Variants in TASP1 observed in about 807,000 individuals in gnomAD.
The protein encoded by TASP1 is threonine aspartase 1.
Under a neutral mutation model 56.6 loss-of-function variants are expected in TASP1, and 16 were observed. The observed-to-expected ratio is 0.28, with a 90% CI of 0.19 to 0.43. The LOEUF is 0.43. Among genes scored for constraint, TASP1 ranks in the 20% least tolerant of loss-of-function variants. The pLI is 1.00. For missense variants in TASP1, 393 were observed against 511.6 expected (o/e 0.77, Z 2.24); for synonymous variants, 179 against 184.2 (o/e 0.97, Z 0.23).
At chr20:13,286,584 C>T in the TASP1 span, among the ~76,000 whole-genome samples, 5 of 151,998 alleles carry the variant, frequency 3.3e-5, no homozygotes, top group African/African-American at 7.3e-5. Context: ...GATGGGGCCT[C>T]GGGGGGCAGA....
At chr20:13,372,780 A>G in the TASP1 span, among the ~76,000 whole-genome samples, 2 of 151,440 alleles carry the variant, frequency 1.3e-5, no homozygotes, top group Non-Finnish European at 3.0e-5. Context: ...ATGGTTTTTT[A>G]TAACTTATTT....
chr20:13,298,779 G>A, the TASP1 span, among the ~76,000 whole-genome samples: 5 of 152,136 alleles, frequency 3.3e-5, no homozygotes, highest in East Asian at 5.8e-4. Flanking sequence ...GGGGCTGCAG[G>A]GGTGTCTGGC....
the TASP1 span, among the ~76,000 whole-genome samples, chr20:13,339,045 T>C: frequency 2.0e-5 from 3 of 152,126 alleles, no homozygotes; most frequent in Admixed American, 2.0e-4. Context: ...AAAAGAGCGA[T>C]TTGCCCACCA....
intron 13 of TASP1, among the ~76,000 whole-genome samples, chr20:13,416,542 GTTCT>G (rs1255260423): frequency 6.6e-6 from 1 of 152,076 alleles, no homozygotes; most frequent in Non-Finnish European, 1.5e-5. Context: ...GCAATAAAGT[GTTCT>G]TTATTATATT....
At chr20:13,291,987 G>T in the TASP1 span, among the ~76,000 whole-genome samples, 2 of 152,302 alleles carry the variant, frequency 1.3e-5, no homozygotes, top group Admixed American at 1.3e-4. Context: ...GGCTAGTAAT[G>T]ATTTCAACGC....
the TASP1 span, among the ~76,000 whole-genome samples, chr20:13,213,719 G>T: frequency 6.6e-6 from 1 of 152,132 alleles, no homozygotes; most frequent in African/African-American, 2.4e-5. Context: ...AAATGACTTA[G>T]CATCTCCGTA....
intron 4 of TASP1, among the ~76,000 whole-genome samples, chr20:13,621,981 G>T (rs1175207921): frequency 6.6e-6 from 1 of 152,030 alleles, no homozygotes; most frequent in Non-Finnish European, 1.5e-5. Flanking sequence ...AACATTTGGT[G>T]GTAAATACAT....
intron 2 of TASP1, among the ~76,000 whole-genome samples, chr20:13,629,512 C>T (rs2049013111): frequency 6.6e-6 from 1 of 151,744 alleles, no homozygotes; most frequent in Admixed American, 6.6e-5. Context: ...CGGTTTGTTG[C>T]CCAGGCTGGA....
At chr20:13,106,091 ATATC>A in the TASP1 span, among the ~76,000 whole-genome samples, 1 of 152,234 alleles carries the variant, frequency 6.6e-6, no homozygotes, top group East Asian at 1.9e-4. Flanking sequence ...CGTTCAAAAA[ATATC>A]TATCTGCTCG....
chr20:13,432,286 G>A (rs990370159), intron 12 of TASP1, among the ~76,000 whole-genome samples: 5 of 152,254 alleles, frequency 3.3e-5, no homozygotes, highest in Non-Finnish European at 7.4e-5. Context: ...CACAGCAAGG[G>A]GTCACAAGTT....
the TASP1 span, among the ~76,000 whole-genome samples, chr20:13,289,483 A>C: frequency 1.3e-5 from 2 of 152,216 alleles, no homozygotes; most frequent in African/African-American, 4.8e-5. Context: ...ACTTGGTGAG[A>C]GGTCATGTTG....
chr20:13,193,975 T>G, the TASP1 span, among the ~76,000 whole-genome samples: 1 of 152,302 alleles, frequency 6.6e-6, no homozygotes, highest in Admixed American at 6.5e-5. Context: ...TAGGAAAATT[T>G]GTATTTTGCT....
chr20:13,164,330 G>A, the TASP1 span: 11 of 471,600 alleles, frequency 2.3e-5, no homozygotes, highest in Middle Eastern at 3.2e-4. Context: ...ATCAGCTCCC[G>A]CAACATTCCT....
chr20:13,451,159 C>T (rs999313649), intron 11 of TASP1, among the ~76,000 whole-genome samples: 2 of 152,104 alleles, frequency 1.3e-5, no homozygotes, highest in Non-Finnish European at 2.9e-5. Context: ...GTGCTGTAAA[C>T]AGATGTGCTG....
the TASP1 span, chr20:13,164,996 C>T: frequency 1.5e-6 from 1 of 661,352 alleles, no homozygotes; most frequent in Admixed American, 3.0e-5. Context: ...CTTGATTGAA[C>T]TGAGGGAGAC....
intron 10 of TASP1, among the ~76,000 whole-genome samples, chr20:13,494,239 T>C (rs1332060277): frequency 2.6e-5 from 4 of 152,188 alleles, no homozygotes; most frequent in Non-Finnish European, 4.4e-5. Flanking sequence ...GAGTCACTTA[T>C]GACATCTATG....
At chr20:13,520,450 G>C (rs2044703188) in intron 10 of TASP1, among the ~76,000 whole-genome samples, 1 of 152,112 alleles carries the variant, frequency 6.6e-6, no homozygotes, top group African/African-American at 2.4e-5. Context: ...ACAGAACAGA[G>C]CCCTCAGAAA....
intron 10 of TASP1, among the ~76,000 whole-genome samples, chr20:13,512,775 T>A (rs962627935): frequency 3.9e-5 from 6 of 152,258 alleles, no homozygotes; most frequent in Non-Finnish European, 2.9e-5. Flanking sequence ...AATTAATTTT[T>A]GTATAAAGTG....
the TASP1 span, among the ~76,000 whole-genome samples, chr20:13,112,467 C>G: frequency 6.6e-6 from 1 of 152,216 alleles, no homozygotes; most frequent in African/African-American, 2.4e-5. Context: ...TCAAGTACAT[C>G]ATGAGGCCAG....
Sources: gnomAD v4.1 joint callset for allele counts (sites outside exome capture counted in the v4.1 genomes callset) on GRCh38, gnomAD v4.1.1 for gene constraint, MANE v1.5 for transcripts, NCBI Gene and HGNC (gene_info 2026-07-23, HGNC 2026-07-21) for gene names.